FMO3: variants seen among roughly 807,000 people sequenced by gnomAD.
The protein encoded by FMO3 is flavin-containing monooxygenase 3.
A neutral mutation model predicts 39.4 loss-of-function variants in FMO3; 40 were observed. The observed-to-expected ratio is 1.02, with a 90% CI of 0.79 to 1.32. The LOEUF (loss-of-function observed/expected upper bound fraction) is 1.32. FMO3 is among the 40% of genes most tolerant of loss of function. The probability of loss-of-function intolerance (pLI) is 0.00; values close to 1 mark genes in which losing one functional copy is unlikely to be tolerated. For missense variants in FMO3, 680 were observed against 651.8 expected, an observed-to-expected ratio of 1.04 and a Z score of -0.47; for synonymous variants, 219 against 228.8, an observed-to-expected ratio of 0.96 and a Z score of 0.39.
chr1:171,091,112 G>A lies in FMO3; in HGVS notation c.-7+131G>A, dbSNP rs997278087. On this transcript the variant is annotated intron_variant, in intron 1 of 8. Transcript: ENST00000367755. ...GTAGTGGTGCATGCCTGTAATCCCA[G>A]CTACTTGGGAGGCTGAGGCAGGAGA... is the stretch of plus-strand genomic sequence containing the variant. 9 of 152,298 alleles carry A rather than the reference G, an allele frequency of 5.9e-5. 1 individual carries two copies. The East Asian group carries it at 1.4e-3, about 23-fold the overall frequency. 9.4% of individuals were successfully genotyped at this position (152,298 alleles called of 1,614,324 possible). A position where few individuals can be genotyped will look rare whatever the true frequency, so the allele number is the denominator to read the frequency against.
chr1:171,110,637 A>G (rs1238783499), intron 5 of FMO3, among the ~76,000 whole-genome samples, 161 bp from the exon 6 acceptor site: 1 of 152,184 alleles, frequency 6.6e-6, no homozygotes, highest in African/African-American at 2.4e-5. Context: ...CTCTTCAGCC[A>G]AAGCAATGGT....
intron 2 of FMO3, among the ~76,000 whole-genome samples, chr1:171,096,187 A>C (rs1448265437): frequency 6.9e-5 from 6 of 87,502 alleles, no homozygotes; most frequent in African/African-American, 2.9e-4. Context: ...TAATATATTA[A>C]TATATATTTA....
rs1410131776 is a variant in FMO3 at position 171,108,010 on chromosome 1, T to A, written c.485-69T>A. The A allele has an allele frequency of 7.2e-6, 11 of 1,537,380 alleles. No homozygotes were observed. The Admixed American group carries it at 1.2e-4, about 16-fold the overall frequency. ...ATTGTGACTGCATCTATTCACAAGGTCGCTTCTGTTAAAGTCTTTGTTTAA... is the reference window on the plus strand; with the variant it reads ...ATTGTGACTGCATCTATTCACAAGGACGCTTCTGTTAAAGTCTTTGTTTAA... On this transcript the variant is annotated intron_variant, in intron 4 of 8. Transcript: ENST00000367755.
chr1:171,108,259 G>C (rs752341553), intron 5 of FMO3, 38 bp downstream of exon 5: 2 of 1,611,562 alleles, frequency 1.2e-6, no homozygotes, highest in Non-Finnish European at 1.7e-6. Context: ...TCTCGTTACT[G>C]ACAGAAGAGT....
Position 171,117,327 on chromosome 1 carries a change from A to C in FMO3, c.1484A>C (p.Lys495Thr). 2 of 1,614,030 alleles carry C rather than the reference A, an allele frequency of 1.2e-6. No individual in the cohort carries two copies. Among genetic ancestry groups the C allele is most frequent in the Non-Finnish European group, 8.5e-7 (1 of 1,179,880 alleles). The change falls in exon 9 of 9, where the codon AAA (lysine) becomes ACA (threonine). Residue 495 changes from lysine (K) to threonine (T), a missense_variant. Physicochemically the swap from Lys to Thr is moderately conservative, Grantham distance 78 (BLOSUM62 -1). Coordinates refer to ENST00000367755, the MANE Select transcript of FMO3 (RefSeq NM_001002294.3). Reference protein sequence around the residue: ...AILTQWDRSLKPMQTRVVGRL... With the variant: ...AILTQWDRSLTPMQTRVVGRL... The stretch of plus-strand genomic sequence containing the variant: ...CTGACCCAGTGGGACCGGTCGTTGA[A>C]ACCCATGCAGACACGAGTGGTCGGG...
In FMO3 at chr1:171,111,534, C is replaced by T. The variant is rs1003006232; in HGVS notation, c.827+537C>T. 3.3e-5 allele frequency among the ~76,000 whole-genome samples: 5 copies of T among 152,198 alleles called. No homozygotes were observed. The East Asian group carries it at 7.7e-4, about 24-fold the overall frequency. On this transcript the variant is annotated intron_variant, in intron 6 of 8. Coordinates refer to ENST00000367755, the MANE Select transcript of FMO3 (RefSeq NM_001002294.3). ...GGCAAAGTTAAGCACATCAGGAGAA[C>T]GTTTCATGTCCTACCTTTCCCTCTT...
intron 2 of FMO3, among the ~76,000 whole-genome samples, chr1:171,097,641 TG>T (rs1157556954): frequency 6.8e-6 from 1 of 146,524 alleles, no homozygotes; most frequent in Non-Finnish European, 1.5e-5. Flanking sequence ...TGGGGTTGTT[TG>T]TTTTTTTCTT....
intron 5 of FMO3, among the ~76,000 whole-genome samples, chr1:171,109,217 T>G (rs1163967055): frequency 6.6e-6 from 1 of 152,168 alleles, no homozygotes; most frequent in East Asian, 1.9e-4. Context: ...TTTGAGCCAC[T>G]GAAGGGTTAC....
intron 6 of FMO3, among the ~76,000 whole-genome samples, chr1:171,111,988 T>C (rs1655934474): frequency 6.6e-6 from 1 of 152,158 alleles, no homozygotes; most frequent in Non-Finnish European, 1.5e-5. Flanking sequence ...CCTCAGAGTA[T>C]GTCTCAGGGA....
At position 171,117,531 on chromosome 1, in the gene FMO3, G is replaced by A. The variant is rs1656220053; in HGVS notation, c.*89G>A. The A allele has an allele frequency of 4.2e-6, 4 of 947,726 alleles. No individual in the cohort carries two copies. The Admixed American group carries it at 8.8e-5, about 21-fold the overall frequency. The allele number at this position is 947,726 out of a possible 1,614,324, so 58.7% of individuals were successfully genotyped here. On this transcript the variant is annotated 3_prime_UTR_variant, in exon 9 of 9. Coordinates refer to ENST00000367755, the MANE Select transcript of FMO3 (RefSeq NM_001002294.3). Reference sequence around the variant, plus strand: ...AAAAATTAAAATTTTCACACCACCTGCTTTTCTATTCAGCATCTTTTGCAG... The same window carrying A: ...AAAAATTAAAATTTTCACACCACCTACTTTTCTATTCAGCATCTTTTGCAG...
chr1:171,106,956 A>G (rs561299566), intron 3 of FMO3, among the ~76,000 whole-genome samples: 35 of 152,194 alleles, frequency 2.3e-4, no homozygotes, highest in Non-Finnish European at 4.3e-4. Flanking sequence ...ATTATATTTC[A>G]TAACTAACAA....
intron 4 of FMO3, 45 bp downstream of exon 4, chr1:171,107,882 G>C (rs1467816119): frequency 6.4e-7 from 1 of 1,572,234 alleles, no homozygotes; most frequent in Non-Finnish European, 8.7e-7. Context: ...TGACAAAAAT[G>C]AATATCTTGA....
At chr1:171,091,317 T>C (rs1283373694) in intron 1 of FMO3, among the ~76,000 whole-genome samples, 1 of 152,108 alleles carries the variant, frequency 6.6e-6, no homozygotes, top group Non-Finnish European at 1.5e-5. Context: ...TGTAGTTTTA[T>C]ACCAAATATG....
Position 171,101,555 on chromosome 1 carries a change from A to G in FMO3, c.133-2230A>G, listed in dbSNP as rs77649165. Among the ~76,000 whole-genome samples the G allele has an allele frequency of 3.9e-3, 599 of 152,282 alleles. 4 individuals are homozygous for G. The highest frequency in any genetic ancestry group is 0.014 in the African/African-American group (577 of 41,572). The stretch of plus-strand genomic sequence containing the variant: ...ATTTTACATTATCTTAACTTTTTTT[A>G]AATTTCAGAGAGATCCAAACATTGG... On this transcript the variant is annotated intron_variant, in intron 2 of 8. Transcript: ENST00000367755.
intron 2 of FMO3, among the ~76,000 whole-genome samples, chr1:171,094,556 G>T (rs28745587): frequency 2.1e-4 from 32 of 151,934 alleles, no homozygotes; most frequent in Admixed American, 1.3e-4. Flanking sequence ...TTTTTTTCTA[G>T]AATTTTTATA....
Position 171,106,225 on chromosome 1 carries a change from C to A in FMO3, c.322-1450C>A, listed in dbSNP as rs573296612. Among the ~76,000 whole-genome samples, 55 of 151,850 alleles carry A rather than the reference C, an allele frequency of 3.6e-4. No individual in the cohort carries two copies. In the South Asian group the frequency reaches 0.011, roughly 31 times the overall value. ...GTGTGATCTCGGCTCACCATAACCT[C>A]CACCTCCTAGGTTCAAGTGATTCTC... On this transcript the variant is annotated intron_variant, in intron 3 of 8. Coordinates refer to ENST00000367755, the MANE Select transcript of FMO3 (RefSeq NM_001002294.3).
chr1:171,091,619 C>T (rs1353823598), intron 1 of FMO3, among the ~76,000 whole-genome samples: 2 of 150,766 alleles, frequency 1.3e-5, no homozygotes, highest in East Asian at 3.9e-4. Context: ...GAGAAGGTCT[C>T]ACTCTGTCAC....
intron 3 of FMO3, 87 bp from the exon 4 acceptor site, chr1:171,107,588 T>G (rs1655700120): frequency 4.0e-6 from 4 of 1,006,278 alleles, no homozygotes; most frequent in Non-Finnish European, 4.6e-6. Flanking sequence ...AATATTTTTC[T>G]TAACCCACTT....
Position 171,114,241 on chromosome 1 carries a change from A to T in FMO3, c.1062A>T (p.Lys354Asn). 6.2e-7 allele frequency: 1 copy of T among 1,613,970 alleles called. No homozygotes were observed. ...KSRNNEIILF[K>N]GVFPPLLEKS... is the part of the protein sequence containing the mutation. ...GAAACAATGAGATCATTTTATTTAA[A>T]GGAGTATTTCCTCCTCTACTTGAGA... Residue 354 changes from lysine to asparagine, a missense_variant, in exon 7 of 9, where the codon AAA (lysine) becomes AAT (asparagine). Coordinates refer to ENST00000367755, the MANE Select transcript of FMO3 (RefSeq NM_001002294.3).
Sources: gnomAD v4.1 joint callset for allele counts (sites outside exome capture counted in the v4.1 genomes callset) on GRCh38, gnomAD v4.1.1 for gene constraint, MANE v1.5 for transcripts, NCBI Gene and HGNC (gene_info 2026-07-23, HGNC 2026-07-21) for gene names.